The following SGMS1 variants were observed in gnomAD, a reference collection of about 807,000 sequenced individuals.
SGMS1 encodes the protein phosphatidylcholine:ceramide cholinephosphotransferase 1.
In SGMS1, 13 loss-of-function variants were observed where a neutral mutation model predicts 46.2. The observed-to-expected ratio is 0.28, with a 90% CI of 0.18 to 0.45. SGMS1 has a LOEUF of 0.45. Ranked by LOEUF, SGMS1 falls within the 20% of genes least tolerant of loss-of-function variation. The pLI is 1.00. For synonymous variants in SGMS1, 203 were observed against 187.8 expected (o/e 1.08, Z -0.66); for missense variants, 324 against 519.9 (o/e 0.62, Z 3.66).
intron 7 of SGMS1, among the ~76,000 whole-genome samples, chr10:50,332,883 C>T (rs1307932650): frequency 6.6e-6 from 1 of 152,142 alleles, no homozygotes; most frequent in Non-Finnish European, 1.5e-5. Flanking sequence ...GCCTCCACCT[C>T]CTCTGTCTTC....
chr10:50,315,255 C>T (rs1439303905), intron 8 of SGMS1, among the ~76,000 whole-genome samples: 2 of 152,198 alleles, frequency 1.3e-5, no homozygotes, highest in African/African-American at 4.8e-5. Flanking sequence ...GTTTTACAAA[C>T]ACTATGTGCA....
intron 2 of SGMS1, among the ~76,000 whole-genome samples, chr10:50,568,248 C>T (rs577669662): frequency 6.4e-4 from 97 of 152,222 alleles, no homozygotes; most frequent in African/African-American, 2.1e-3. Flanking sequence ...ATAAATTTTC[C>T]CACTTTTTAT....
At chr10:50,544,223 A>G (rs1476319626) in intron 2 of SGMS1, among the ~76,000 whole-genome samples, 1 of 152,114 alleles carries the variant, frequency 6.6e-6, no homozygotes, top group Non-Finnish European at 1.5e-5. Context: ...CCTCCCAGCA[A>G]CTCTGAGGTA....
intron 2 of SGMS1, among the ~76,000 whole-genome samples, chr10:50,581,658 C>T (rs1838435500): frequency 6.6e-6 from 1 of 152,092 alleles, no homozygotes; most frequent in African/African-American, 2.4e-5. Flanking sequence ...TTATAATTCC[C>T]ACAAATATTT....
chr10:50,586,425 C>A (rs1838485185), intron 2 of SGMS1, among the ~76,000 whole-genome samples: 1 of 152,248 alleles, frequency 6.6e-6, no homozygotes, highest in Non-Finnish European at 1.5e-5. Context: ...TGGCCCACTG[C>A]CATACCTGTG....
chr10:50,583,617 T>C (rs1374123661), intron 2 of SGMS1, among the ~76,000 whole-genome samples: 1 of 152,174 alleles, frequency 6.6e-6, no homozygotes, highest in Non-Finnish European at 1.5e-5. Context: ...CCCAAAAACA[T>C]GTAGCCAAGA....
chr10:50,344,179 A>C lies in SGMS1; in HGVS notation c.-65T>G. On this transcript the variant is annotated 5_prime_UTR_variant, in exon 7 of 11. Coordinates refer to ENST00000361781, the MANE Select transcript of SGMS1 (RefSeq NM_147156.4). ...GCAGGTCAGCAGTCACTGTTCCGAC[A>C]GGGCAGGACACTGTCCTGCCTCGGC... 1.3e-6 allele frequency: 2 copies of C among 1,518,390 alleles called. No homozygotes were observed. The highest frequency in any genetic ancestry group is 1.8e-6 in the Non-Finnish European group (2 of 1,141,970). The allele number at this position is 1,518,390 out of a possible 1,614,324, so 94.1% of individuals were successfully genotyped here.
chr10:50,600,474 A>C (rs540577575), intron 1 of SGMS1, among the ~76,000 whole-genome samples: 2 of 152,338 alleles, frequency 1.3e-5, no homozygotes, highest in South Asian at 4.1e-4. Flanking sequence ...AAATACAAAT[A>C]GAAGGTGTTA....
At chr10:50,624,987 A>AC, upstream of SGMS1, 1 of 1,030,842 alleles carries the variant, frequency 9.7e-7, no homozygotes, top group South Asian at 2.8e-5. Flanking sequence ...GGCGCTCGGA[A>AC]CCGACCTGGG....
At chr10:50,525,081 G>A (rs1837889353) in intron 2 of SGMS1, among the ~76,000 whole-genome samples, 2 of 152,128 alleles carry the variant, frequency 1.3e-5, no homozygotes, top group Non-Finnish European at 2.9e-5. Context: ...TCTTACTAGG[G>A]ATTAGAGAAA....
chr10:50,416,634 T>G (rs1849173206), intron 6 of SGMS1, among the ~76,000 whole-genome samples: 1 of 152,138 alleles, frequency 6.6e-6, no homozygotes, highest in African/African-American at 2.4e-5. Context: ...ACATGCTATT[T>G]CTCAAAGAGG....
At chr10:50,576,747 T>C (rs1838388863) in intron 2 of SGMS1, among the ~76,000 whole-genome samples, 2 of 152,196 alleles carry the variant, frequency 1.3e-5, no homozygotes, top group South Asian at 4.1e-4. Flanking sequence ...GCACTTTTGA[T>C]GTCACCCATT....
At chr10:50,404,974 A>C (rs2133551757) in intron 6 of SGMS1, among the ~76,000 whole-genome samples, 1 of 152,348 alleles carries the variant, frequency 6.6e-6, no homozygotes, top group South Asian at 2.1e-4. Flanking sequence ...CGGTATGTAT[A>C]TTAATCCCTT....
At chr10:50,379,095 CATAACCTTTATGACAGTCATA>C (rs1273005111) in intron 6 of SGMS1, among the ~76,000 whole-genome samples, 1 of 152,086 alleles carries the variant, frequency 6.6e-6, no homozygotes, top group African/African-American at 2.4e-5. Context: ...TTAAGACTGT[CATAACCTTTATGACAGTCATA>C]GGGCAATGTG....
rs1838882957 is a variant in SGMS1 at position 50,623,897 on chromosome 10, C to G, written c.-874G>C. 1.0e-6 allele frequency: 1 copy of G among 987,014 alleles called. No individual in the cohort carries two copies. Among genetic ancestry groups the G allele is most frequent in the Non-Finnish European group, 1.2e-6 (1 of 831,392 alleles). 61.1% of individuals were successfully genotyped at this position (987,014 alleles called of 1,614,324 possible). A position where few individuals can be genotyped will look rare whatever the true frequency, so the allele number is the denominator to read the frequency against. ...CCCGACCTGCCCGCCGCCTGCCGCC[C>G]GCAGCCGCTGCCCCGCTGGTGCGAA... On this transcript the variant is annotated 5_prime_UTR_variant, in exon 1 of 11. Coordinates refer to ENST00000361781, the MANE Select transcript of SGMS1 (RefSeq NM_147156.4).
chr10:50,335,385 C>G (rs1847699385), intron 7 of SGMS1: 1 of 152,258 alleles, frequency 6.6e-6, no homozygotes, highest in Non-Finnish European at 1.5e-5. Flanking sequence ...ATGCCAAGTA[C>G]TCTGTCAAGT....
intron 9 of SGMS1, among the ~76,000 whole-genome samples, chr10:50,310,333 C>T (rs1847234479): frequency 6.6e-6 from 1 of 152,114 alleles, no homozygotes; most frequent in African/African-American, 2.4e-5. Context: ...CAGACTGTTT[C>T]TAACAATGTG....
intron 2 of SGMS1, among the ~76,000 whole-genome samples, chr10:50,530,523 C>T (rs1215744266): frequency 2.6e-5 from 4 of 152,154 alleles, no homozygotes; most frequent in South Asian, 4.2e-4. Context: ...CACTGTGTCG[C>T]CCAGGCTTGA....
intron 2 of SGMS1, among the ~76,000 whole-genome samples, chr10:50,552,707 C>T (rs1451804811): frequency 6.6e-6 from 1 of 152,200 alleles, no homozygotes; most frequent in Non-Finnish European, 1.5e-5. Context: ...ATATCCATGT[C>T]CTAATCCCTG....
Sources: gnomAD v4.1 joint callset for allele counts (sites outside exome capture counted in the v4.1 genomes callset) on GRCh38, gnomAD v4.1.1 for gene constraint, MANE v1.5 for transcripts, NCBI Gene and HGNC (gene_info 2026-07-23, HGNC 2026-07-21) for gene names.